The following ABHD3 variants were observed in gnomAD, a reference collection of about 807,000 sequenced individuals.
ABHD3 encodes the protein abhydrolase domain containing 3, phospholipase.
In ABHD3, 46 loss-of-function variants were observed where a neutral mutation model predicts 48.8. The ratio of observed to expected loss-of-function variants is 0.94; its 90% CI spans 0.74 to 1.20. The LOEUF (loss-of-function observed/expected upper bound fraction) is 1.20, where lower values mean the gene tolerates loss of function less well. Among genes scored for constraint, ABHD3 ranks in the 50% most tolerant of loss-of-function variants. The pLI, the probability that ABHD3 is intolerant of heterozygous loss-of-function variation, is 0.00. For missense variants in ABHD3, 490 were observed against 497.8 expected, an observed-to-expected ratio of 0.98 and a Z score of 0.15; for synonymous variants, 192 against 183.7, an observed-to-expected ratio of 1.04 and a Z score of -0.36.
intron 3 of ABHD3, among the ~76,000 whole-genome samples, chr18:21,696,909 T>C (rs940164843): frequency 2.6e-5 from 4 of 151,928 alleles, no homozygotes; most frequent in East Asian, 1.9e-4. Flanking sequence ...CAGGAGGTGG[T>C]AGACATAACT....
chr18:21,658,289 A>AGGT (rs2039403469), intron 6 of ABHD3, among the ~76,000 whole-genome samples: 1 of 152,210 alleles, frequency 6.6e-6, no homozygotes, highest in African/African-American at 2.4e-5. Flanking sequence ...TTGGTAGTAT[A>AGGT]AGAGCTGTGA....
chr18:21,688,860 T>C (rs940238442), intron 3 of ABHD3, among the ~76,000 whole-genome samples: 1 of 152,196 alleles, frequency 6.6e-6, no homozygotes, highest in Non-Finnish European at 1.5e-5. Flanking sequence ...TTAAATGTTC[T>C]AAGGGACGAA....
At chr18:21,656,728 T>C in intron 8 of ABHD3, 133 bp downstream of exon 8, 3 of 838,226 alleles carry the variant, frequency 3.6e-6, no homozygotes, top group Non-Finnish European at 5.4e-6. Context: ...GACATTTAGA[T>C]ACTGTGTTAT....
At chr18:21,702,803 G>C (rs770840098) in intron 2 of ABHD3, among the ~76,000 whole-genome samples, 15 of 152,310 alleles carry the variant, frequency 9.8e-5, no homozygotes, top group African/African-American at 1.4e-4. Context: ...ACCCTTGTTT[G>C]ATTGAGGTCA....
At chr18:21,693,560 G>T (rs988083259) in intron 3 of ABHD3, among the ~76,000 whole-genome samples, 4 of 152,208 alleles carry the variant, frequency 2.6e-5, no homozygotes, top group African/African-American at 9.7e-5. Flanking sequence ...CTTTGTCCCT[G>T]AAGGTTTAAT....
chr18:21,652,166 G>A (rs1229981813), intron 8 of ABHD3, among the ~76,000 whole-genome samples: 1 of 152,182 alleles, frequency 6.6e-6, no homozygotes, highest in South Asian at 2.1e-4. Flanking sequence ...CTTTGTGAGA[G>A]TTAGAAATTC....
chr18:21,696,096 A>C (rs1283302951), intron 3 of ABHD3, among the ~76,000 whole-genome samples: 1 of 151,510 alleles, frequency 6.6e-6, no homozygotes, highest in African/African-American at 2.4e-5. Flanking sequence ...CTCAATTTTA[A>C]AAAGTCAAAA....
intron 5 of ABHD3, chr18:21,663,636 T>G: frequency 6.5e-7 from 1 of 1,526,998 alleles, no homozygotes; most frequent in South Asian, 1.2e-5. Context: ...CCACAGTAGT[T>G]CCATTTGCCC....
At chr18:21,664,378 T>A in intron 4 of ABHD3, 148 bp from the exon 5 acceptor site, 1 of 748,874 alleles carries the variant, frequency 1.3e-6, no homozygotes, top group East Asian at 2.9e-5. Flanking sequence ...TTTATCATTT[T>A]CCTGTCTTGC....
At chr18:21,687,969 G>A (rs1184381519) in intron 3 of ABHD3, among the ~76,000 whole-genome samples, 1 of 152,208 alleles carries the variant, frequency 6.6e-6, no homozygotes, top group African/African-American at 2.4e-5. Flanking sequence ...TCCAGACATT[G>A]CCAAATGTTC....
At chr18:21,678,838 G>A (rs1181457501) in intron 4 of ABHD3, among the ~76,000 whole-genome samples, 13 of 152,086 alleles carry the variant, frequency 8.5e-5, no homozygotes, top group East Asian at 1.9e-4. Context: ...GAGAAAAGGT[G>A]TATAGGATGC....
intron 3 of ABHD3, among the ~76,000 whole-genome samples, chr18:21,688,368 T>C (rs992199530): frequency 6.6e-6 from 1 of 151,982 alleles, no homozygotes; most frequent in Non-Finnish European, 1.5e-5. Flanking sequence ...CAGCTAGTCA[T>C]ATGATTGATT....
intron 4 of ABHD3, among the ~76,000 whole-genome samples, chr18:21,674,906 T>C (rs2039842930): frequency 6.6e-6 from 1 of 150,632 alleles, no homozygotes; most frequent in Non-Finnish European, 1.5e-5. Context: ...CTTCAGAAAA[T>C]GGCCCACAGT....
chr18:21,666,076 G>A lies in ABHD3; in HGVS notation c.556-1846C>T, dbSNP rs185751892. 8.7e-3 allele frequency among the ~76,000 whole-genome samples: 1,327 copies of A among 152,034 alleles called. 8 individuals carry two copies. The highest frequency in any genetic ancestry group is 0.014 in the Non-Finnish European group (939 of 67,974). On this transcript the variant is annotated intron_variant, in intron 4 of 8. Coordinates refer to ENST00000289119, the MANE Select transcript of ABHD3 (RefSeq NM_138340.5). ...AGATGGATTCTTGCTCTGTCGCCCA[G>A]GCTGGGGTGCAGTGGCACAATCTCA...
chr18:21,664,716 G>C (rs771566961), intron 4 of ABHD3, among the ~76,000 whole-genome samples: 41 of 151,808 alleles, frequency 2.7e-4, no homozygotes, highest in Non-Finnish European at 7.4e-5. Context: ...CTGCAGCCTC[G>C]ACCTCCCAGG....
At chr18:21,684,765 G>A (rs752237819) in intron 3 of ABHD3, among the ~76,000 whole-genome samples, 1 of 152,186 alleles carries the variant, frequency 6.6e-6, no homozygotes, top group Non-Finnish European at 1.5e-5. Context: ...TTTACATGAG[G>A]TGTAAACATC....
chr18:21,693,072 G>A (rs998063545), intron 3 of ABHD3, among the ~76,000 whole-genome samples: 2 of 152,126 alleles, frequency 1.3e-5, no homozygotes, highest in African/African-American at 4.8e-5. Context: ...TGTTGTCTCT[G>A]GGCTCTCTTG....
At chr18:21,686,144 G>A (rs2040124512) in intron 3 of ABHD3, among the ~76,000 whole-genome samples, 1 of 152,224 alleles carries the variant, frequency 6.6e-6, no homozygotes, top group Non-Finnish European at 1.5e-5. Context: ...TGCCTGGCCA[G>A]AGAAATCTTA....
At chr18:21,696,244 C>T (rs1367861505) in intron 3 of ABHD3, among the ~76,000 whole-genome samples, 11 of 151,282 alleles carry the variant, frequency 7.3e-5, no homozygotes, top group African/African-American at 1.5e-4. Context: ...CCCGGGTTCA[C>T]GACATTCTCC....
Sources: allele counts gnomAD v4.1 joint callset (sites outside exome capture counted in the v4.1 genomes callset), GRCh38; gene constraint gnomAD v4.1.1; transcripts MANE v1.5; gene names NCBI Gene and HGNC (gene_info 2026-07-23, HGNC 2026-07-21).